Variants in KRT24 observed in about 807,000 individuals in gnomAD.
The protein encoded by KRT24 is keratin 24, also known as keratin, type I cytoskeletal 24.
Under a neutral mutation model 51.7 loss-of-function variants are expected in KRT24, and 44 were observed. The ratio of observed to expected loss-of-function variants is 0.85; its 90% CI spans 0.67 to 1.09. The LOEUF is 1.09. Ranked by LOEUF, KRT24 falls within the 50% of genes least tolerant of loss-of-function variation. KRT24 has a pLI of 0.00. For missense variants in KRT24, 633 were observed against 647.0 expected, an observed-to-expected ratio of 0.98 and a Z score of 0.24; for synonymous variants, 241 against 249.5, an observed-to-expected ratio of 0.97 and a Z score of 0.32.
rs1567863908 is a variant in KRT24 at position 40,703,524 on chromosome 17, C to A, written c.170G>T (p.Ser57Ile). Residue 57 changes from serine (S) to isoleucine (I), a missense_variant, in exon 1 of 8, where the codon AGC becomes ATC. Transcript: ENST00000264651. ...ASSCSLSGGS[S>I]GAFGGSFGGG... Reference sequence around the variant, plus strand: ...TCCAAAGCTGCCCCCAAAAGCACCGCTAGACCCCCCACTCAGGCTGCAGCT... The same window carrying A: ...TCCAAAGCTGCCCCCAAAAGCACCGATAGACCCCCCACTCAGGCTGCAGCT... 1 of 1,543,468 alleles carries A rather than the reference C, an allele frequency of 6.5e-7. No homozygotes were observed. The highest frequency in any genetic ancestry group is 1.1e-5 in the South Asian group (1 of 89,298).
rs1444018234 is a variant in KRT24 at position 40,700,302 on chromosome 17, A to G, written c.937T>C (p.Leu313=). ...TACTGCGCCCTCATGTCATTCAGTA[A>G]TTTGGTCAGGTCGGTCCCTGGCGCA... ...NAAPGTDLTK[L]LNDMRAQYEE... is the part of the protein sequence containing the mutation. The change falls in exon 4 of 8, where the codon TTA becomes CTA. Residue 313 remains leucine (L), a synonymous_variant. Coordinates refer to ENST00000264651, the MANE Select transcript of KRT24 (RefSeq NM_019016.3). 1 of 1,613,872 alleles carries G rather than the reference A, an allele frequency of 6.2e-7. No individual in the cohort carries two copies. Among genetic ancestry groups the G allele is most frequent in the Non-Finnish European group, 8.5e-7 (1 of 1,179,976 alleles).
chr17:40,699,002 G>C lies in KRT24; in HGVS notation c.1362-352C>G, dbSNP rs150074654. On this transcript the variant is annotated intron_variant, in intron 6 of 7. Coordinates refer to ENST00000264651, the MANE Select transcript of KRT24 (RefSeq NM_019016.3). The stretch of plus-strand genomic sequence containing the variant: ...AGTGATCTTCCCGCCTCAGTCCCCT[G>C]AGTAGCTGGGACTACAGGTGTGTGC... Among the ~76,000 whole-genome samples, 1,408 of 151,740 alleles carry C rather than the reference G, an allele frequency of 9.3e-3. 24 individuals are homozygous for C. The highest frequency in any genetic ancestry group is 0.033 in the African/African-American group (1,346 of 41,338).
Position 40,700,342 on chromosome 17 carries a change from G to T in KRT24, c.897C>A (p.Thr299=). The stretch of plus-strand genomic sequence containing the variant: ...TCCCTGGCGCAGCATTCATTTCTAC[G>T]GTCACCTCCCCTCCAGAGCTTCCTT... The part of the protein sequence containing the change: ...NMQGSSGGEV[T]VEMNAAPGTD... Residue 299 remains threonine, a synonymous_variant, in exon 4 of 8, where the codon ACC becomes ACA. Transcript: ENST00000264651. 8.7e-6 allele frequency: 14 copies of T among 1,613,710 alleles called. No homozygotes were observed. The highest frequency in any genetic ancestry group is 1.2e-5 in the Non-Finnish European group (14 of 1,179,892).
In KRT24 at chr17:40,698,171, T is replaced by C; in HGVS notation, c.*66A>G. The C allele has an allele frequency of 8.8e-6, 9 of 1,025,992 alleles. No individual in the cohort carries two copies. In the South Asian group the frequency reaches 1.2e-4, roughly 13 times the overall value. The allele number at this position is 1,025,992 out of a possible 1,614,324, so 63.6% of individuals were successfully genotyped here. On this transcript the variant is annotated 3_prime_UTR_variant, in exon 8 of 8. Coordinates refer to ENST00000264651, the MANE Select transcript of KRT24 (RefSeq NM_019016.3). The stretch of plus-strand genomic sequence containing the variant: ...AGAAAGATGCCTAGATTGATGCCAT[T>C]TCTTCGCTTGTGTCCTTCTTGATTT...
rs763588858 is a variant in KRT24 at position 40,703,599 on chromosome 17, C to T, written c.95G>A (p.Arg32Lys). 4 of 1,613,316 alleles carry T rather than the reference C, an allele frequency of 2.5e-6. No individual in the cohort carries two copies. In the Admixed American group the frequency reaches 6.7e-5, roughly 27 times the overall value. ...AGGSSFSSGS[R>K]CGLGGSSAQG... is the part of the protein sequence containing the mutation. ...GGCCGAGCTGCCCCCCAGACCACAT[C>T]TGCTTCCACTGCTGAAGCTGCTTCC... The change falls in exon 1 of 8, where the codon AGA becomes AAA. Residue 32 changes from arginine (R) to lysine (K), a missense_variant. Physicochemically the swap from Arg to Lys is conservative, Grantham distance 26 (BLOSUM62 2). Coordinates refer to ENST00000264651, the MANE Select transcript of KRT24 (RefSeq NM_019016.3).
Position 40,700,214 on chromosome 17 carries a change from G to C in KRT24, c.1017+8C>G. ...TACTGGCTTAGGTGCTCAGCAGAGA[G>C]GATCTACCTGCTTGTTGAACCGCTC... On this transcript the variant is annotated splice_region_variant and intron_variant, in intron 4 of 7. Transcript: ENST00000264651. The C allele has an allele frequency of 1.2e-6, 2 of 1,614,026 alleles. No homozygotes were observed. The highest frequency in any genetic ancestry group is 1.7e-6 in the Non-Finnish European group (2 of 1,179,974).
In KRT24 at chr17:40,701,194, C is replaced by A. The variant is rs874889; in HGVS notation, c.801G>T (p.Met267Ile). Residue 267 changes from methionine (M) to isoleucine (I), a missense_variant, in exon 3 of 8, where the codon ATG (methionine) becomes ATT (isoleucine). Physicochemically the swap from Met to Ile is conservative, Grantham distance 10. Transcript: ENST00000264651. ...DLTMTRSDLE[M>I]QIESFTEELA... is the part of the protein sequence containing the mutation. ...GCTCCTCGGTGAAACTCTCAATCTG[C>A]ATCTCCAGGTCAGAGCGGGTCATAG... 0.44 allele frequency: 706,748 copies of A among 1,613,194 alleles called. 160,114 individuals carry two copies. The highest frequency in any genetic ancestry group is 0.66 in the Admixed American group (39,827 of 59,950).
chr17:40,699,551 C>T lies in KRT24; in HGVS notation c.1254G>A (p.Trp418Ter). The change falls in exon 6 of 8, where the codon TGG becomes TGA. Residue 418 changes from tryptophan (W) to a stop codon, truncating the protein, a stop_gained. Coordinates refer to ENST00000264651, the MANE Select transcript of KRT24 (RefSeq NM_019016.3). LOFTEE classifies it high-confidence loss of function. ...CTGCGTTCTGGCATTTAGTCTCACC[C>T]CAGATCTGGCAGATCTCCTCCTCCA... ...SALEEEICQI[W>*]GETKCQNAEY... 6.2e-7 allele frequency: 1 copy of T among 1,613,906 alleles called. No individual in the cohort carries two copies. The highest frequency in any genetic ancestry group is 1.1e-5 in the South Asian group (1 of 91,072).
In KRT24 at chr17:40,701,246, C is replaced by T. The variant is rs7211480; in HGVS notation, c.749G>A (p.Gly250Asp). The T allele has an allele frequency of 1.3e-3, 2,167 of 1,614,028 alleles. 26 individuals carry two copies. In the African/African-American group the frequency reaches 0.026, roughly 19 times the overall value. The change falls in exon 3 of 8, where the codon GGC becomes GAC. Residue 250 changes from glycine to aspartate, a missense_variant. Physicochemically the swap from Gly to Asp is moderately conservative, Grantham distance 94 (BLOSUM62 -1). Coordinates refer to ENST00000264651, the MANE Select transcript of KRT24 (RefSeq NM_019016.3). ...LRQSVEADINGLRKVLDDLTM... is the reference protein window; with the variant it reads ...LRQSVEADINDLRKVLDDLTM... ...CAGGTCATCCAGGACTTTCCGCAGGCCATTGATGTCAGCCTCCACGCTCTG... is the reference window on the plus strand; with the variant it reads ...CAGGTCATCCAGGACTTTCCGCAGGTCATTGATGTCAGCCTCCACGCTCTG...
chr17:40,701,770 TATATATA>T (rs1567863128), intron 2 of KRT24, 74 bp downstream of exon 2: 1,166 of 45,680 alleles, frequency 0.026, 88 homozygotes, highest in Admixed American at 0.059. Context: ...TATATATATA[TATATATA>T]TATTTATTTA....
chr17:40,699,261 C>T (rs754899620), intron 6 of KRT24, among the ~76,000 whole-genome samples, 183 bp downstream of exon 6: 4 of 152,062 alleles, frequency 2.6e-5, no homozygotes, highest in Admixed American at 6.6e-5. Context: ...CCTGGGCTCA[C>T]GTGATTCTCC....
Position 40,701,240 on chromosome 17 carries a change from C to T in KRT24, c.755G>A (p.Arg252Gln), listed in dbSNP as rs138060610. The T allele has an allele frequency of 1.6e-5, 26 of 1,613,814 alleles. No individual in the cohort carries two copies. The highest frequency in any genetic ancestry group is 4.0e-5 in the African/African-American group (3 of 74,876). The change falls in exon 3 of 8, where the codon CGG becomes CAG. Residue 252 changes from arginine to glutamine, a missense_variant. Arg to Gln is a conservative substitution (Grantham distance 43, BLOSUM62 1). Coordinates refer to ENST00000264651, the MANE Select transcript of KRT24 (RefSeq NM_019016.3). Reference protein sequence around the residue: ...QSVEADINGLRKVLDDLTMTR... With the variant: ...QSVEADINGLQKVLDDLTMTR... ...CATAGTCAGGTCATCCAGGACTTTCCGCAGGCCATTGATGTCAGCCTCCAC... is the reference window on the plus strand; with the variant it reads ...CATAGTCAGGTCATCCAGGACTTTCTGCAGGCCATTGATGTCAGCCTCCAC...
At chr17:40,701,997 T>A in intron 1 of KRT24, 64 bp from the exon 2 acceptor site, 1 of 774,714 alleles carries the variant, frequency 1.3e-6, no homozygotes, top group Non-Finnish European at 2.1e-6. Flanking sequence ...GCATGCCTAC[T>A]TGTAAGGGTA....
intron 4 of KRT24, 28 bp from the exon 5 acceptor site, chr17:40,700,151 T>C: frequency 6.2e-7 from 1 of 1,614,122 alleles, no homozygotes; most frequent in Non-Finnish European, 8.5e-7. Context: ...GCAGCTGTTG[T>C]AGGCTGATGA....
At chr17:40,699,882 A>C in intron 5 of KRT24, 116 bp downstream of exon 5, 1 of 1,291,006 alleles carries the variant, frequency 7.7e-7, no homozygotes, top group Non-Finnish European at 1.1e-6. Context: ...TATAATCATA[A>C]TGCAGTTCTC....
rs1029722649 is a variant in KRT24 at position 40,700,155 on chromosome 17, C to T, written c.1018-32G>A. ...ACAAACATAATGCAGCTGTTGTAGG[C>T]TGATGAAAGGAGCAGAAGCGGCTTG... On this transcript the variant is annotated intron_variant, in intron 4 of 7. Coordinates refer to ENST00000264651, the MANE Select transcript of KRT24 (RefSeq NM_019016.3). The T allele has an allele frequency of 5.0e-6, 8 of 1,613,880 alleles. No individual in the cohort carries two copies. The Admixed American group carries it at 6.7e-5, about 13-fold the overall frequency.
chr17:40,699,713 A>G (rs1294714509), intron 5 of KRT24, 52 bp from the exon 6 acceptor site: 1 of 1,525,730 alleles, frequency 6.6e-7, no homozygotes, highest in Non-Finnish European at 9.0e-7. Context: ...TCATTGGATG[A>G]TTTTTTAAAA....
Position 40,703,407 on chromosome 17 carries a change from A to G in KRT24, c.287T>C (p.Val96Ala). ...GFGGGSSFGGVSGFGRGSGFC... is the reference protein window; with the variant it reads ...GFGGGSSFGGASGFGRGSGFC... ...TCCAGAACCCCTGCCAAATCCAGAG[A>G]CCCCGCCAAAGCTAGAACCCCCACC... The change falls in exon 1 of 8, where the codon GTC becomes GCC. Residue 96 changes from valine (V) to alanine (A), a missense_variant. Physicochemically the swap from Val to Ala is moderately conservative, Grantham distance 64 (BLOSUM62 0). Transcript: ENST00000264651. The G allele has an allele frequency of 6.2e-7, 1 of 1,609,160 alleles. No individual in the cohort carries two copies. The highest frequency in any genetic ancestry group is 8.5e-7 in the Non-Finnish European group (1 of 1,176,112).
At chr17:40,699,956 T>C (rs1424694935) in intron 5 of KRT24, 42 bp downstream of exon 5, 14 of 1,612,620 alleles carry the variant, frequency 8.7e-6, no homozygotes, top group Non-Finnish European at 1.2e-5. Flanking sequence ...CTGCATTTGC[T>C]TAACTCCCTG....
Sources: allele counts gnomAD v4.1 joint callset (sites outside exome capture counted in the v4.1 genomes callset), GRCh38; gene constraint gnomAD v4.1.1; transcripts MANE v1.5; gene names NCBI Gene and HGNC (gene_info 2026-07-23, HGNC 2026-07-21).